PPM1L: variants seen among roughly 807,000 people sequenced by gnomAD.
PPM1L encodes protein phosphatase, Mg2+/Mn2+ dependent 1L, also known as protein phosphatase 1L.
PPM1L carries 13 observed loss-of-function variants against 31.4 expected under a neutral mutation model. The observed-to-expected ratio is 0.41, with a 90% confidence interval of 0.27 to 0.66. The LOEUF (loss-of-function observed/expected upper bound fraction) is 0.66. PPM1L is among the 30% of genes least tolerant of loss of function. PPM1L has a pLI of 0.29. For missense variants in PPM1L, 326 were observed against 453.7 expected, an observed-to-expected ratio of 0.72 and a Z score of 2.56; for synonymous variants, 184 against 175.4, an observed-to-expected ratio of 1.05 and a Z score of -0.39.
intron 1 of PPM1L, among the ~76,000 whole-genome samples, chr3:160,910,562 C>T (rs989415074): frequency 9.2e-5 from 14 of 152,122 alleles, no homozygotes; most frequent in African/African-American, 3.1e-4. Flanking sequence ...CAGCCCACCT[C>T]GGCCTCCCAA....
chr3:160,825,092 A>G (rs1190722787), intron 1 of PPM1L, among the ~76,000 whole-genome samples: 1 of 152,134 alleles, frequency 6.6e-6, no homozygotes, highest in Admixed American at 6.6e-5. Flanking sequence ...GCCACGTGTA[A>G]CATCCTTATA....
At chr3:160,809,506 A>G (rs1328485001) in intron 1 of PPM1L, among the ~76,000 whole-genome samples, 2 of 152,098 alleles carry the variant, frequency 1.3e-5, no homozygotes, top group African/African-American at 4.8e-5. Context: ...ATATTTCCAG[A>G]CAGATGACCT....
intron 1 of PPM1L, among the ~76,000 whole-genome samples, chr3:160,810,038 G>A (rs1319901288): frequency 1.3e-5 from 2 of 151,924 alleles, no homozygotes; most frequent in Non-Finnish European, 2.9e-5. Flanking sequence ...GCCCTTAGGA[G>A]GAATTCACAT....
intron 1 of PPM1L, among the ~76,000 whole-genome samples, chr3:160,880,917 A>G (rs1712690111): frequency 6.6e-6 from 1 of 152,188 alleles, no homozygotes; most frequent in Non-Finnish European, 1.5e-5. Context: ...TGGTATTAGG[A>G]TATATAGTAG....
chr3:160,959,117 A>G (rs1458403974), intron 1 of PPM1L, among the ~76,000 whole-genome samples: 1 of 152,234 alleles, frequency 6.6e-6, no homozygotes, highest in African/African-American at 2.4e-5. Context: ...CTACTCAGCC[A>G]TAAAACAGAA....
At chr3:160,951,281 C>G (rs1341960967) in intron 1 of PPM1L, among the ~76,000 whole-genome samples, 2 of 152,178 alleles carry the variant, frequency 1.3e-5, no homozygotes, top group African/African-American at 4.8e-5. Context: ...AACTATTCCC[C>G]CTGAATCCCT....
chr3:161,016,643 A>T lies in PPM1L; in HGVS notation c.575-48760A>T, dbSNP rs117104342. On this transcript the variant is annotated intron_variant, in intron 2 of 3. Transcript: ENST00000498165. Reference sequence around the variant, plus strand: ...GAAAATATTATTTCATCATGTTCCTATTAGAGGGCGAGGCATGGTACAAAT... The same window carrying T: ...GAAAATATTATTTCATCATGTTCCTTTTAGAGGGCGAGGCATGGTACAAAT... 4.1e-4 allele frequency among the ~76,000 whole-genome samples: 62 copies of T among 152,350 alleles called. No individual in the cohort carries two copies. In the East Asian group the frequency reaches 9.5e-3, roughly 23 times the overall value.
At chr3:160,924,881 T>C (rs1378273813) in intron 1 of PPM1L, among the ~76,000 whole-genome samples, 1 of 152,224 alleles carries the variant, frequency 6.6e-6, no homozygotes, top group African/African-American at 2.4e-5. Flanking sequence ...TAGGAAACAA[T>C]TCGCATTTAG....
At chr3:160,864,553 G>A (rs1712021855) in intron 1 of PPM1L, among the ~76,000 whole-genome samples, 1 of 152,166 alleles carries the variant, frequency 6.6e-6, no homozygotes, top group South Asian at 2.1e-4. Flanking sequence ...GAAAATTGGA[G>A]TTCCAGAGTA....
At chr3:160,897,183 C>G (rs990934285) in intron 1 of PPM1L, among the ~76,000 whole-genome samples, 1 of 151,868 alleles carries the variant, frequency 6.6e-6, no homozygotes, top group Non-Finnish European at 1.5e-5. Flanking sequence ...GCCAGGATTA[C>G]AGGCGCCTGC....
At chr3:161,007,152 A>T (rs1403999859) in intron 2 of PPM1L, among the ~76,000 whole-genome samples, 1 of 152,204 alleles carries the variant, frequency 6.6e-6, no homozygotes, top group East Asian at 1.9e-4. Flanking sequence ...TCAACGACCT[A>T]TATTCTAATG....
chr3:161,057,422 C>T (rs375068823), intron 2 of PPM1L, among the ~76,000 whole-genome samples: 1 of 152,064 alleles, frequency 6.6e-6, no homozygotes, highest in African/African-American at 2.4e-5. Flanking sequence ...AAACACTTCA[C>T]GACTCATAAA....
At chr3:161,042,062 T>G (rs1030631799) in intron 2 of PPM1L, among the ~76,000 whole-genome samples, 1 of 152,050 alleles carries the variant, frequency 6.6e-6, no homozygotes, top group Non-Finnish European at 1.5e-5. Flanking sequence ...AATACAAACC[T>G]TCCTCCCCAC....
intron 1 of PPM1L, among the ~76,000 whole-genome samples, chr3:160,804,909 C>G (rs1712551536): frequency 6.6e-6 from 1 of 152,198 alleles, no homozygotes; most frequent in South Asian, 2.1e-4. Context: ...AGGGATCTGC[C>G]TCCTTCCTCA....
chr3:161,044,338 C>T (rs1364395297), intron 2 of PPM1L, among the ~76,000 whole-genome samples: 1 of 144,394 alleles, frequency 6.9e-6, no homozygotes, highest in African/African-American at 2.7e-5. Context: ...CTGCACCTGG[C>T]CTGCCCTGTA....
chr3:160,867,796 G>A (rs1302662219), intron 1 of PPM1L, among the ~76,000 whole-genome samples: 1 of 152,152 alleles, frequency 6.6e-6, no homozygotes, highest in East Asian at 1.9e-4. Context: ...AGCTGTGCTG[G>A]AAAGAGTCAT....
intron 1 of PPM1L, among the ~76,000 whole-genome samples, chr3:160,885,235 T>G (rs572839288): frequency 5.2e-4 from 79 of 152,270 alleles, no homozygotes; most frequent in Admixed American, 9.2e-4. Context: ...TTACTTTTTT[T>G]TGGGTAAGAA....
In PPM1L at chr3:160,993,445, C is replaced by G. The variant is rs183313155; in HGVS notation, c.574+31535C>G. Reference sequence around the variant, plus strand: ...GGGAGCTGAACTACAATCTTTCATACTAAAGAGTGTCCGAACAGAAGTGGT... The same window carrying G: ...GGGAGCTGAACTACAATCTTTCATAGTAAAGAGTGTCCGAACAGAAGTGGT... On this transcript the variant is annotated intron_variant, in intron 2 of 3. Transcript: ENST00000498165. 2.6e-5 allele frequency among the ~76,000 whole-genome samples: 4 copies of G among 152,276 alleles called. No individual in the cohort carries two copies. In the East Asian group the frequency reaches 5.8e-4, roughly 22 times the overall value.
At chr3:160,921,765 T>A (rs946105761) in intron 1 of PPM1L, among the ~76,000 whole-genome samples, 1 of 152,200 alleles carries the variant, frequency 6.6e-6, no homozygotes, top group Non-Finnish European at 1.5e-5. Flanking sequence ...AATCTTTACA[T>A]ACTTACACTT....
Sources: gnomAD v4.1 joint callset for allele counts (sites outside exome capture counted in the v4.1 genomes callset) on GRCh38, gnomAD v4.1.1 for gene constraint, MANE v1.5 for transcripts, NCBI Gene and HGNC (gene_info 2026-07-23, HGNC 2026-07-21) for gene names.